Variants in MAML2 observed in about 807,000 individuals in gnomAD.
MAML2 encodes mastermind-like protein 2.
A neutral mutation model predicts 96.1 loss-of-function variants in MAML2; 22 were observed. The observed-to-expected ratio is 0.23, with a 90% CI of 0.16 to 0.33. The LOEUF (loss-of-function observed/expected upper bound fraction) is 0.33, where lower values mean the gene tolerates loss of function less well. Among genes scored for constraint, MAML2 ranks in the 10% least tolerant of loss-of-function variants. The pLI is 1.00. For missense variants in MAML2, 1,367 were observed against 1,392.4 expected (o/e 0.98, Z 0.29); for synonymous variants, 561 against 521.3 (o/e 1.08, Z -1.04).
chr11:96,166,057 A>G (rs1397767939), intron 1 of MAML2, among the ~76,000 whole-genome samples: 1 of 151,990 alleles, frequency 6.6e-6, no homozygotes, highest in African/African-American at 2.4e-5. Context: ...TACAATTCTC[A>G]TTGAATGCCA....
intron 1 of MAML2, among the ~76,000 whole-genome samples, chr11:96,210,021 C>T (rs1861947292): frequency 6.6e-6 from 1 of 152,186 alleles, no homozygotes; most frequent in Non-Finnish European, 1.5e-5. Flanking sequence ...TTAACAATAC[C>T]TAACTTCAAA....
intron 1 of MAML2, 24 bp from the exon 2 acceptor site, chr11:96,093,541 A>C (rs1254482746): frequency 1.4e-6 from 2 of 1,453,014 alleles, no homozygotes; most frequent in Non-Finnish European, 1.9e-6. Context: ...GGGAATAAAA[A>C]GGAAAAATAA....
At chr11:96,295,448 C>T (rs7111381) in intron 1 of MAML2, among the ~76,000 whole-genome samples, 104,560 of 151,992 alleles carry the variant, frequency 0.69, 36,079 homozygotes, top group East Asian at 0.82. Context: ...CAGAAGTTGA[C>T]GCACGCTAAG....
intron 1 of MAML2, among the ~76,000 whole-genome samples, chr11:96,242,381 G>A (rs551304867): frequency 6.6e-6 from 1 of 152,286 alleles, no homozygotes; most frequent in Admixed American, 6.5e-5. Flanking sequence ...GGCTCTGGTT[G>A]TGAAATCATC....
chr11:96,138,737 G>T (rs1860680375), intron 1 of MAML2, among the ~76,000 whole-genome samples: 1 of 151,798 alleles, frequency 6.6e-6, no homozygotes. Flanking sequence ...GTCCAGGAAG[G>T]CCCCAAAAAG....
intron 1 of MAML2, among the ~76,000 whole-genome samples, chr11:96,263,842 A>G (rs1478713370): frequency 3.3e-5 from 5 of 152,148 alleles, no homozygotes; most frequent in African/African-American, 1.2e-4. Context: ...ATGTTTCCCA[A>G]TCCTTATTTA....
chr11:96,108,900 G>A (rs1363602226), intron 1 of MAML2, among the ~76,000 whole-genome samples: 2 of 151,964 alleles, frequency 1.3e-5, no homozygotes, highest in Admixed American at 1.3e-4. Context: ...TATGCATGGT[G>A]GTGGCATCTT....
At chr11:96,148,659 TACACACACACACAC>T (rs58470055) in intron 1 of MAML2, among the ~76,000 whole-genome samples, 235 of 131,936 alleles carry the variant, frequency 1.8e-3, no homozygotes, top group African/African-American at 4.1e-3. Flanking sequence ...TTCTGAAAAA[TACACACACACACAC>T]ACACACACAC....
At chr11:96,212,925 G>A (rs182598065) in intron 1 of MAML2, among the ~76,000 whole-genome samples, 9 of 152,236 alleles carry the variant, frequency 5.9e-5, no homozygotes, top group Admixed American at 2.6e-4. Context: ...GAATGAACTT[G>A]GGTAAGACAC....
intron 2 of MAML2, among the ~76,000 whole-genome samples, chr11:96,034,544 A>G (rs12284433): frequency 0.03 from 4,518 of 152,128 alleles, 150 homozygotes; most frequent in African/African-American, 0.07. Context: ...AAATAATTCC[A>G]TCAACTTACT....
chr11:96,322,289 T>C lies in MAML2; in HGVS notation c.513+19094A>G, dbSNP rs567418907. 1.9e-3 allele frequency among the ~76,000 whole-genome samples: 294 copies of C among 152,148 alleles called. 1 individual carries two copies. Among genetic ancestry groups the C allele is most frequent in the African/African-American group, 6.9e-3 (287 of 41,496 alleles). ...GGTGAGAGGGGAGGAAGCCTGAAAA[T>C]GGTAAGAGGTCACTTAAAAATAAAG... On this transcript the variant is annotated intron_variant, in intron 1 of 4. Coordinates refer to ENST00000524717, the MANE Select transcript of MAML2 (RefSeq NM_032427.4).
At chr11:96,151,563 C>T (rs1037380938) in intron 1 of MAML2, among the ~76,000 whole-genome samples, 2 of 152,166 alleles carry the variant, frequency 1.3e-5, no homozygotes, top group Non-Finnish European at 2.9e-5. Flanking sequence ...CGTGGGGATG[C>T]TCCTTCATGA....
At chr11:96,034,145 A>G (rs1858661992) in intron 2 of MAML2, among the ~76,000 whole-genome samples, 1 of 152,212 alleles carries the variant, frequency 6.6e-6, no homozygotes, top group African/African-American at 2.4e-5. Context: ...GATACATTTA[A>G]TGAGGTTTTA....
chr11:96,249,959 T>C (rs761023799), intron 1 of MAML2, among the ~76,000 whole-genome samples: 3 of 152,162 alleles, frequency 2.0e-5, no homozygotes, highest in Non-Finnish European at 4.4e-5. Context: ...TCAGAACTCA[T>C]CTCCCATCAC....
chr11:96,323,034 T>G (rs1025343512), intron 1 of MAML2, among the ~76,000 whole-genome samples: 2 of 151,808 alleles, frequency 1.3e-5, no homozygotes, highest in African/African-American at 4.8e-5. Context: ...CAAAGTTGTG[T>G]ATTCAATTTA....
intron 1 of MAML2, among the ~76,000 whole-genome samples, chr11:96,292,926 C>T (rs1005532350): frequency 6.7e-6 from 1 of 149,786 alleles, no homozygotes; most frequent in African/African-American, 2.5e-5. Context: ...TAGGTCAATT[C>T]AAGTTAGAAA....
In MAML2 at chr11:96,019,722, A is replaced by C. The variant is rs1011139382; in HGVS notation, c.2140-27999T>G. Among the ~76,000 whole-genome samples, 13 of 149,552 alleles carry C rather than the reference A, an allele frequency of 8.7e-5. 1 individual carries two copies. Among genetic ancestry groups the C allele is most frequent in the Non-Finnish European group, 1.6e-4 (11 of 67,490 alleles). On this transcript the variant is annotated intron_variant, in intron 2 of 4. Coordinates refer to ENST00000524717, the MANE Select transcript of MAML2 (RefSeq NM_032427.4). ...AATAATAATAATAATAATAATAATA[A>C]TACACATGTAGAACCAGACACCTGG...
chr11:96,162,707 G>A (rs564722994), intron 1 of MAML2, among the ~76,000 whole-genome samples: 116 of 120,838 alleles, frequency 9.6e-4, no homozygotes, highest in Non-Finnish European at 1.7e-3. Flanking sequence ...GTAAAACTCC[G>A]TCTCAAAAAA....
intron 2 of MAML2, among the ~76,000 whole-genome samples, chr11:96,072,620 G>T (rs1859364627): frequency 6.6e-6 from 1 of 152,168 alleles, no homozygotes; most frequent in Non-Finnish European, 1.5e-5. Context: ...AGGAAGAAAA[G>T]GAAGAAGACG....
Sources: gnomAD v4.1 joint callset for allele counts (sites outside exome capture counted in the v4.1 genomes callset) on GRCh38, gnomAD v4.1.1 for gene constraint, MANE v1.5 for transcripts, NCBI Gene and HGNC (gene_info 2026-07-23, HGNC 2026-07-21) for gene names.